Variants in NXN observed in about 807,000 individuals in gnomAD.
The protein encoded by NXN is nucleoredoxin.
A neutral mutation model predicts 48.6 loss-of-function variants in NXN; 16 were observed. The observed-to-expected ratio is 0.33, with a 90% confidence interval of 0.22 to 0.50. The LOEUF is 0.50. NXN is among the 20% of genes least tolerant of loss of function. The probability of loss-of-function intolerance (pLI) is 0.98; values close to 1 mark genes in which losing one functional copy is unlikely to be tolerated. For synonymous variants in NXN, 281 were observed against 269.6 expected, an observed-to-expected ratio of 1.04 and a Z score of -0.41; for missense variants, 492 against 605.5, an observed-to-expected ratio of 0.81 and a Z score of 1.97.
At chr17:878,625 G>GTA (rs1193788962) in intron 1 of NXN, among the ~76,000 whole-genome samples, 1 of 152,130 alleles carries the variant, frequency 6.6e-6, no homozygotes, top group Non-Finnish European at 1.5e-5. Flanking sequence ...AACTGGTACT[G>GTA]TAGCCAGGTT....
intron 5 of NXN, among the ~76,000 whole-genome samples, chr17:811,971 A>T (rs1219722497): frequency 8.6e-6 from 1 of 116,074 alleles, no homozygotes; most frequent in Non-Finnish European, 1.6e-5. Context: ...TCTGTCGCCC[A>T]GGCTGGAGTG....
intron 1 of NXN, among the ~76,000 whole-genome samples, chr17:924,116 G>T (rs2068774384): frequency 6.6e-6 from 1 of 150,946 alleles, no homozygotes; most frequent in Non-Finnish European, 1.5e-5. Context: ...TGCCCAGGCT[G>T]CCGTGCAGTG....
intron 1 of NXN, among the ~76,000 whole-genome samples, chr17:940,477 C>T (rs369501055): frequency 3.3e-5 from 5 of 152,326 alleles, no homozygotes; most frequent in African/African-American, 9.6e-5. Flanking sequence ...AACTTCCAAA[C>T]GCAATGTCTC....
In NXN at chr17:847,101, G is replaced by C. The variant is rs545028593; in HGVS notation, c.361-21023C>G. Among the ~76,000 whole-genome samples, 3 of 152,258 alleles carry C rather than the reference G, an allele frequency of 2.0e-5. No homozygotes were observed. The South Asian group carries it at 6.2e-4, about 32-fold the overall frequency. On this transcript the variant is annotated intron_variant, in intron 1 of 7. Transcript: ENST00000336868. ...AATGAACAGAAGAGCAGGAAGTGTG[G>C]TTGGTGGGAACCACGGAGATGTTTG...
At chr17:843,264 C>G (rs1319892073) in intron 1 of NXN, among the ~76,000 whole-genome samples, 1 of 152,220 alleles carries the variant, frequency 6.6e-6, no homozygotes, top group Non-Finnish European at 1.5e-5. Context: ...ACAGGGAACG[C>G]GATCTCATCT....
chr17:885,632 G>T (rs1397380621), intron 1 of NXN, among the ~76,000 whole-genome samples: 3 of 146,952 alleles, frequency 2.0e-5, no homozygotes, highest in Non-Finnish European at 3.0e-5. Flanking sequence ...GCCCCTCTCT[G>T]AAGAGAGGCG....
chr17:850,298 C>A (rs181602741), intron 1 of NXN, among the ~76,000 whole-genome samples: 1 of 152,144 alleles, frequency 6.6e-6, no homozygotes, highest in African/African-American at 2.4e-5. Flanking sequence ...CCACGAGGTA[C>A]GAGGTACGCA....
At chr17:949,688 C>G (rs573112369) in intron 1 of NXN, among the ~76,000 whole-genome samples, 128 of 120,114 alleles carry the variant, frequency 1.1e-3, no homozygotes, top group Middle Eastern at 3.8e-3. Context: ...TGGCCTCCTC[C>G]TCTCCCCCCT....
intron 1 of NXN, among the ~76,000 whole-genome samples, chr17:922,578 G>A (rs1355283857): frequency 6.6e-6 from 1 of 152,182 alleles, no homozygotes; most frequent in Non-Finnish European, 1.5e-5. Context: ...AGAACCAGGA[G>A]GTGCTCAAAT....
Position 801,012 on chromosome 17 carries a change from G to C in NXN, c.1245C>G (p.Pro415=). The C allele has an allele frequency of 6.4e-7, 1 of 1,565,934 alleles. No individual in the cohort carries two copies. The highest frequency in any genetic ancestry group is 1.8e-5 in the Admixed American group (1 of 54,334). The change falls in exon 8 of 8, where the codon CCC becomes CCG. Residue 415 remains proline, a synonymous_variant. Coordinates refer to ENST00000336868, the MANE Select transcript of NXN (RefSeq NM_022463.5). ...CATTCACAAAGGCCTCCACGATGGCGGGGGTGATCTCCTCCACGTCCATCA... is the reference window on the plus strand; with the variant it reads ...CATTCACAAAGGCCTCCACGATGGCCGGGGTGATCTCCTCCACGTCCATCA... The part of the protein sequence containing the change: ...KYVMDVEEIT[P]AIVEAFVNDF...
At chr17:868,761 G>A (rs1396297106) in intron 1 of NXN, among the ~76,000 whole-genome samples, 1 of 152,148 alleles carries the variant, frequency 6.6e-6, no homozygotes, top group Admixed American at 6.6e-5. Flanking sequence ...CAAAGTGCTG[G>A]GATGACAGGC....
chr17:888,118 C>G lies in NXN; in HGVS notation c.361-62040G>C, dbSNP rs550921622. ...TGGGGCGCAGGTACCGTACGGGGTA[C>G]AGAGAGGGACAGAAAGCAGGGTTTA... On this transcript the variant is annotated intron_variant, in intron 1 of 7. Coordinates refer to ENST00000336868, the MANE Select transcript of NXN (RefSeq NM_022463.5). Among the ~76,000 whole-genome samples the G allele has an allele frequency of 2.6e-5, 4 of 152,234 alleles. No individual in the cohort carries two copies. In the East Asian group the frequency reaches 5.8e-4, roughly 22 times the overall value.
At chr17:845,326 T>C (rs1436791404) in intron 1 of NXN, among the ~76,000 whole-genome samples, 1 of 151,646 alleles carries the variant, frequency 6.6e-6, no homozygotes, top group African/African-American at 2.4e-5. Context: ...TCATCACCCT[T>C]AGGGACTCAA....
At chr17:866,505 G>C (rs571022512) in intron 1 of NXN, among the ~76,000 whole-genome samples, 1 of 152,124 alleles carries the variant, frequency 6.6e-6, no homozygotes, top group Non-Finnish European at 1.5e-5. Flanking sequence ...CCAGGAGGCG[G>C]AGCATGCAGT....
intron 1 of NXN, among the ~76,000 whole-genome samples, chr17:934,313 G>A (rs1053131864): frequency 6.6e-6 from 1 of 151,942 alleles, no homozygotes; most frequent in African/African-American, 2.4e-5. Flanking sequence ...GGGCGTGGTG[G>A]CGGGCACCTG....
intron 1 of NXN, among the ~76,000 whole-genome samples, chr17:913,313 C>T (rs547300081): frequency 1.3e-5 from 2 of 152,296 alleles, no homozygotes; most frequent in East Asian, 3.9e-4. Context: ...ATCCACAGAG[C>T]ACCCCCACAG....
rs1175515108 is a variant in NXN at position 918,811 on chromosome 17, T to TG, written c.360+60507dup. On this transcript the variant is annotated intron_variant, in intron 1 of 7. Coordinates refer to ENST00000336868, the MANE Select transcript of NXN (RefSeq NM_022463.5). Reference sequence around the variant, plus strand: ...CTCAAAAAAAAAAAAAGGCCGGGGGTGGGGGGGCGGGTGTTTGTTGAATCC... The same window carrying TG: ...CTCAAAAAAAAAAAAAGGCCGGGGGTGGGGGGGGCGGGTGTTTGTTGAATCC... Among the ~76,000 whole-genome samples, 14 of 13,556 alleles carry TG rather than the reference T, an allele frequency of 1.0e-3. No homozygotes were observed. In the East Asian group the frequency reaches 0.014, roughly 13 times the overall value. 8.9% of individuals were successfully genotyped at this position (13,556 alleles called of 152,430 possible). A position where few individuals can be genotyped will look rare whatever the true frequency, so the allele number is the denominator to read the frequency against.
intron 1 of NXN, among the ~76,000 whole-genome samples, chr17:886,278 C>T (rs558360611): frequency 1.3e-5 from 2 of 152,230 alleles, no homozygotes; most frequent in South Asian, 2.1e-4. Flanking sequence ...GCTCTGCTGA[C>T]ATTGCTTTGG....
rs1289858477 is a variant in NXN at position 806,229 on chromosome 17, A to T, written c.821-982T>A. Among the ~76,000 whole-genome samples, 52 of 24,136 alleles carry T rather than the reference A, an allele frequency of 2.2e-3. 3 individuals carry two copies. The highest frequency in any genetic ancestry group is 0.016 in the African/African-American group (41 of 2,522). 15.8% of individuals were successfully genotyped at this position (24,136 alleles called of 152,430 possible). On this transcript the variant is annotated intron_variant, in intron 5 of 7. Coordinates refer to ENST00000336868, the MANE Select transcript of NXN (RefSeq NM_022463.5). ...GCCCCCGCCGTCTGCACCCCAGCAC[A>T]ACCCCCTCCCCAGGGCTGCAGCCCC...
Sources: gnomAD v4.1 joint callset for allele counts (sites outside exome capture counted in the v4.1 genomes callset) on GRCh38, gnomAD v4.1.1 for gene constraint, MANE v1.5 for transcripts, NCBI Gene and HGNC (gene_info 2026-07-23, HGNC 2026-07-21) for gene names.